Variants in PLCH1 observed in about 807,000 individuals in gnomAD.
The protein encoded by PLCH1 is 1-phosphatidylinositol 4,5-bisphosphate phosphodiesterase eta-1.
PLCH1 carries 60 observed loss-of-function variants against 126.7 expected under a neutral mutation model. The observed-to-expected ratio is 0.47, with a 90% confidence interval of 0.38 to 0.59. The LOEUF is 0.59. Ranked by LOEUF, PLCH1 falls within the 20% of genes least tolerant of loss-of-function variation. PLCH1 has a pLI of 0.00. For missense variants in PLCH1, 1,723 were observed against 2,040.0 expected (o/e 0.84, Z 2.99); for synonymous variants, 719 against 734.9 (o/e 0.98, Z 0.35).
intron 2 of PLCH1, among the ~76,000 whole-genome samples, chr3:155,645,733 G>A (rs1225590135): frequency 1.3e-5 from 2 of 152,064 alleles, no homozygotes; most frequent in Admixed American, 6.6e-5. Context: ...CCAAAGTGCT[G>A]GGAGAAGTTT....
chr3:155,630,551 T>G (rs964758176), intron 2 of PLCH1, among the ~76,000 whole-genome samples: 2 of 152,230 alleles, frequency 1.3e-5, no homozygotes, highest in Non-Finnish European at 2.9e-5. Flanking sequence ...GTCTGCCATA[T>G]TTTAGGCTCC....
rs148158924 is a variant in PLCH1, at chr3:155,661,291, A to G, written c.79+42855T>C. 5.6e-3 allele frequency among the ~76,000 whole-genome samples: 860 copies of G among 152,316 alleles called. 12 individuals are homozygous for G. Among genetic ancestry groups the G allele is most frequent in the African/African-American group, 0.02 (814 of 41,568 alleles). ...AGAGGTTGAACAGAGCACTGAGTCCAGGGTTACTTACACTGGGTCACAGAG... is the reference window on the plus strand; with the variant it reads ...AGAGGTTGAACAGAGCACTGAGTCCGGGGTTACTTACACTGGGTCACAGAG... On this transcript the variant is annotated intron_variant, in intron 2 of 22. Coordinates refer to ENST00000460012, the MANE Select transcript of PLCH1 (RefSeq NM_014996.4).
At chr3:155,510,283 C>T (rs1719256531) in intron 12 of PLCH1, among the ~76,000 whole-genome samples, 1 of 101,044 alleles carries the variant, frequency 9.9e-6, no homozygotes, top group Non-Finnish European at 1.9e-5. Flanking sequence ...GAATACAGCA[C>T]ACTGATGGGT....
At chr3:155,554,235 T>G (rs770059892) in intron 8 of PLCH1, 39 bp from the exon 9 acceptor site, 19 of 1,594,078 alleles carry the variant, frequency 1.2e-5, no homozygotes, top group Non-Finnish European at 1.6e-5. Context: ...ACCCAAAGTC[T>G]CTGGTGTTTA....
chr3:155,608,665 A>G (rs748874306), intron 2 of PLCH1, among the ~76,000 whole-genome samples: 5 of 152,064 alleles, frequency 3.3e-5, no homozygotes, highest in Non-Finnish European at 7.4e-5. Context: ...ACATAATTCC[A>G]TCGGCCATCC....
At chr3:155,592,810 G>C (rs1732384345) in intron 4 of PLCH1, among the ~76,000 whole-genome samples, 1 of 152,128 alleles carries the variant, frequency 6.6e-6, no homozygotes, top group Admixed American at 6.5e-5. Flanking sequence ...GTTGGTTGTT[G>C]TTTACCAAAT....
chr3:155,494,075 G>A lies in PLCH1; in HGVS notation c.2182+66C>T. ...TTTCTAAACAGCTTCCTTAATAAAG[G>A]TTGCCTGCATTTAGACTATGAAATT... is the stretch of plus-strand genomic sequence containing the variant. On this transcript the variant is annotated intron_variant, in intron 17 of 22. Coordinates refer to ENST00000460012, the MANE Select transcript of PLCH1 (RefSeq NM_014996.4). The A allele has an allele frequency of 2.4e-6, 3 of 1,233,152 alleles. No individual in the cohort carries two copies. The South Asian group carries it at 3.6e-5, about 15-fold the overall frequency. 76.4% of individuals were successfully genotyped at this position (1,233,152 alleles called of 1,614,324 possible).
Position 155,678,354 on chromosome 3 carries a change from A to G in PLCH1, c.79+25792T>C, listed in dbSNP as rs977429411. On this transcript the variant is annotated intron_variant, in intron 2 of 22. Coordinates refer to ENST00000460012, the MANE Select transcript of PLCH1 (RefSeq NM_014996.4). ...AGGGCCAAGCCACTTACCCAGGGGGAGCACATAGCAGCTTCATAGGGCAGG... is the reference window on the plus strand; with the variant it reads ...AGGGCCAAGCCACTTACCCAGGGGGGGCACATAGCAGCTTCATAGGGCAGG... 2.6e-5 allele frequency among the ~76,000 whole-genome samples: 4 copies of G among 152,164 alleles called. 1 individual carries two copies. The highest frequency in any genetic ancestry group is 5.9e-5 in the Non-Finnish European group (4 of 68,036).
At chr3:155,532,481 G>A (rs1722830858) in intron 10 of PLCH1, among the ~76,000 whole-genome samples, 1 of 152,162 alleles carries the variant, frequency 6.6e-6, no homozygotes, top group Non-Finnish European at 1.5e-5. Context: ...ATCTTGAACT[G>A]TAATCCCCAT....
chr3:155,739,749 G>A (rs1386631116), intron 1 of PLCH1, among the ~76,000 whole-genome samples: 2 of 152,206 alleles, frequency 1.3e-5, no homozygotes, highest in African/African-American at 2.4e-5. Context: ...TCTGTTCCAC[G>A]TTCGTCTGTC....
chr3:155,655,584 C>G (rs1741265398), intron 2 of PLCH1, among the ~76,000 whole-genome samples: 1 of 152,168 alleles, frequency 6.6e-6, no homozygotes, highest in Non-Finnish European at 1.5e-5. Flanking sequence ...ATACATTCAC[C>G]ATGGAAGCCC....
chr3:155,516,515 G>A (rs955037782), intron 11 of PLCH1, among the ~76,000 whole-genome samples: 3 of 152,178 alleles, frequency 2.0e-5, no homozygotes, highest in African/African-American at 7.2e-5. Flanking sequence ...ACTTTGGAGA[G>A]CGGAGGGACT....
intron 21 of PLCH1, among the ~76,000 whole-genome samples, chr3:155,463,484 G>C (rs1053576214): frequency 1.3e-5 from 2 of 152,116 alleles, no homozygotes; most frequent in African/African-American, 2.4e-5. Context: ...TGGTGTGTAG[G>C]GGAAAGAGGA....
At chr3:155,470,899 C>A (rs1016328188) in intron 21 of PLCH1, among the ~76,000 whole-genome samples, 1 of 151,898 alleles carries the variant, frequency 6.6e-6, no homozygotes, top group African/African-American at 2.4e-5. Context: ...CACCACCAGG[C>A]CTGCCCTAAA....
intron 2 of PLCH1, among the ~76,000 whole-genome samples, chr3:155,666,181 C>T (rs1742702534): frequency 6.6e-6 from 1 of 152,132 alleles, no homozygotes; most frequent in African/African-American, 2.4e-5. Context: ...AATTTCTGAG[C>T]CAAAGAGTTT....
intron 2 of PLCH1, among the ~76,000 whole-genome samples, chr3:155,679,909 G>T (rs1364716142): frequency 1.3e-5 from 2 of 152,220 alleles, no homozygotes; most frequent in South Asian, 4.1e-4. Context: ...GCTGACTCCA[G>T]ATTTGGGCCC....
intron 2 of PLCH1, among the ~76,000 whole-genome samples, chr3:155,656,899 G>A (rs1741444452): frequency 6.6e-6 from 1 of 151,678 alleles, no homozygotes; most frequent in Non-Finnish European, 1.5e-5. Flanking sequence ...TAAAACCCAA[G>A]ATAATCAAAG....
chr3:155,549,749 T>C, intron 10 of PLCH1, 38 bp downstream of exon 10: 1 of 1,453,232 alleles, frequency 6.9e-7, no homozygotes, highest in South Asian at 1.2e-5. Context: ...GCTTAGCTGA[T>C]AATGAATGTC....
intron 6 of PLCH1, among the ~76,000 whole-genome samples, chr3:155,572,132 CTT>C (rs1729310165): frequency 1.3e-5 from 2 of 152,074 alleles, no homozygotes; most frequent in Non-Finnish European, 2.9e-5. Context: ...AAAAGTTCTC[CTT>C]CTTTCCTTCT....
Sources: gnomAD v4.1 joint callset for allele counts (sites outside exome capture counted in the v4.1 genomes callset) on GRCh38, gnomAD v4.1.1 for gene constraint, MANE v1.5 for transcripts, NCBI Gene and HGNC (gene_info 2026-07-23, HGNC 2026-07-21) for gene names.